Variants in STAM2 observed in about 807,000 individuals in gnomAD.
STAM2 encodes the protein signal transducing adapter molecule 2.
Under a neutral mutation model 65.6 loss-of-function variants are expected in STAM2, and 51 were observed. The ratio of observed to expected loss-of-function variants is 0.78; its 90% CI spans 0.62 to 0.98. The LOEUF is 0.98. Among genes scored for constraint, STAM2 ranks in the 50% least tolerant of loss-of-function variants. The probability of loss-of-function intolerance (pLI) is 0.00; values close to 1 mark genes in which losing one functional copy is unlikely to be tolerated. For missense variants in STAM2, 584 were observed against 617.8 expected (o/e 0.95, Z 0.58); for synonymous variants, 198 against 208.4 (o/e 0.95, Z 0.43).
At chr2:152,149,266 G>A (rs1472230777) in intron 2 of STAM2, among the ~76,000 whole-genome samples, 1 of 151,992 alleles carries the variant, frequency 6.6e-6, no homozygotes, top group African/African-American at 2.4e-5. Flanking sequence ...GTATCCTATT[G>A]TGTCAAGGCT....
chr2:152,118,513 A>G lies in STAM2; in HGVS notation c.*2061T>C, dbSNP rs893109045. 1 of 150,552 alleles carries G rather than the reference A, an allele frequency of 6.6e-6. No homozygotes were observed. Among genetic ancestry groups the G allele is most frequent in the Non-Finnish European group, 1.5e-5 (1 of 67,662 alleles). The allele number at this position is 150,552 out of a possible 1,614,324, so 9.3% of individuals were successfully genotyped here. A position where few individuals can be genotyped will look rare whatever the true frequency, so the allele number is the denominator to read the frequency against. ...ACATTATTTATAATGGCTGATCCCA[A>G]TTTAGTGGGTGTGCAGTAATTATAT... On this transcript the variant is annotated 3_prime_UTR_variant, in exon 14 of 14. Transcript: ENST00000263904.
rs1378945641 is a variant in STAM2 at position 152,120,331 on chromosome 2, A to G, written c.*243T>C. Reference sequence around the variant, plus strand: ...TGTAGAGAAATCTGAAAGTAAGACAAAACTAACTGAAAGCATCTTTAAGCT... The same window carrying G: ...TGTAGAGAAATCTGAAAGTAAGACAGAACTAACTGAAAGCATCTTTAAGCT... On this transcript the variant is annotated 3_prime_UTR_variant, in exon 14 of 14. Transcript: ENST00000263904. The G allele has an allele frequency of 4.0e-6, 2 of 499,806 alleles. No individual in the cohort carries two copies. Among genetic ancestry groups the G allele is most frequent in the African/African-American group, 3.8e-5 (2 of 52,082 alleles). 31.0% of individuals were successfully genotyped at this position (499,806 alleles called of 1,614,324 possible).
Position 152,126,273 on chromosome 2 carries a change from G to A in STAM2, c.1132C>T (p.His378Tyr), listed in dbSNP as rs769964544. Residue 378 changes from histidine to tyrosine, a missense_variant, in exon 12 of 14, where the codon CAC becomes TAC. Coordinates refer to ENST00000263904, the MANE Select transcript of STAM2 (RefSeq NM_005843.6). ...APVYSVYSKL[H>Y]PPAHYPPASS... The stretch of plus-strand genomic sequence containing the variant: ...GCAGGTGGGTAATGTGCTGGAGGGT[G>A]GAGCTTTGAATAGACTGAGTACACT... 1 of 1,611,132 alleles carries A rather than the reference G, an allele frequency of 6.2e-7. No homozygotes were observed. Among genetic ancestry groups the A allele is most frequent in the Non-Finnish European group, 8.5e-7 (1 of 1,178,502 alleles).
intron 13 of STAM2, among the ~76,000 whole-genome samples, chr2:152,123,403 A>G (rs1344252401): frequency 1.3e-5 from 2 of 152,110 alleles, no homozygotes; most frequent in African/African-American, 4.8e-5. Flanking sequence ...CTGAACTACA[A>G]ATTCCACAGT....
chr2:152,128,299 C>G (rs571873777), intron 11 of STAM2, among the ~76,000 whole-genome samples: 1 of 151,706 alleles, frequency 6.6e-6, no homozygotes, highest in African/African-American at 2.4e-5. Flanking sequence ...CCCAGCTACA[C>G]GGGAGGCTGA....
chr2:152,167,921 AAAAAT>A (rs970998673), intron 1 of STAM2, among the ~76,000 whole-genome samples: 6 of 152,004 alleles, frequency 3.9e-5, no homozygotes, highest in Admixed American at 1.3e-4. Context: ...AAAAAGAAGA[AAAAAT>A]AAAATAAAAT....
intron 1 of STAM2, among the ~76,000 whole-genome samples, chr2:152,166,104 G>T (rs1689779679): frequency 6.6e-6 from 1 of 152,176 alleles, no homozygotes. Flanking sequence ...AACCTGGGAG[G>T]TGGAGGGTGC....
chr2:152,139,191 T>G (rs938623573), intron 7 of STAM2, among the ~76,000 whole-genome samples: 3 of 152,180 alleles, frequency 2.0e-5, no homozygotes, highest in African/African-American at 7.2e-5. Context: ...AAAGAAAATT[T>G]TAATGTAGCA....
intron 1 of STAM2, among the ~76,000 whole-genome samples, chr2:152,169,550 C>T (rs1689861337): frequency 6.6e-6 from 1 of 152,138 alleles, no homozygotes; most frequent in South Asian, 2.1e-4. Flanking sequence ...GTGTGAGTCA[C>T]TGCACCCTGC....
chr2:152,148,026 T>G lies in STAM2; in HGVS notation c.298A>C (p.Lys100Gln). 6.3e-7 allele frequency: 1 copy of G among 1,598,558 alleles called. No homozygotes were observed. Among genetic ancestry groups the G allele is most frequent in the Non-Finnish European group, 8.5e-7 (1 of 1,173,292 alleles). The stretch of plus-strand genomic sequence containing the variant: ...GTTCTTCTGTTTTTAAAATTTACCT[T>G]ATTTTTAATCACAGCACGTACTTCT... ...ATEVRAVIKN[K>Q]AHPKVCEKLK... The change falls in exon 4 of 14, where the codon AAG becomes CAG. Residue 100 changes from lysine (K) to glutamine (Q), a missense_variant and splice_region_variant. Coordinates refer to ENST00000263904, the MANE Select transcript of STAM2 (RefSeq NM_005843.6).
chr2:152,173,482 C>T (rs990873337), intron 1 of STAM2, among the ~76,000 whole-genome samples: 2 of 151,264 alleles, frequency 1.3e-5, no homozygotes, highest in South Asian at 2.1e-4. Context: ...CTGCAACCTC[C>T]GCCTCCCGGG....
At chr2:152,120,971 T>TTTCTTC (rs375522184) in intron 13 of STAM2, among the ~76,000 whole-genome samples, 169 bp from the exon 14 acceptor site, 1 of 152,170 alleles carries the variant, frequency 6.6e-6, no homozygotes, top group African/African-American at 2.4e-5. Context: ...TTAATCAAAT[T>TTTCTTC]TTCTTCTTCT....
intron 1 of STAM2, among the ~76,000 whole-genome samples, chr2:152,158,960 G>A (rs1012366524): frequency 2.0e-5 from 3 of 151,114 alleles, no homozygotes; most frequent in East Asian, 1.9e-4. Context: ...AATTTTGGGG[G>A]ATACATTCTG....
intron 1 of STAM2, among the ~76,000 whole-genome samples, chr2:152,174,611 G>A (rs1689975538): frequency 6.6e-6 from 1 of 152,178 alleles, no homozygotes; most frequent in African/African-American, 2.4e-5. Context: ...CTGCTGAGAT[G>A]TGCAGTATTC....
chr2:152,145,128 T>C (rs565158381), intron 5 of STAM2, among the ~76,000 whole-genome samples, 171 bp from the exon 6 acceptor site: 74 of 152,330 alleles, frequency 4.9e-4, no homozygotes, highest in African/African-American at 1.7e-3. Flanking sequence ...TTGCAGTGCA[T>C]GGCACAGTCA....
At chr2:152,121,062 CAAGCAATCCTCCTGCCTT>C (rs2105525064) in intron 13 of STAM2, among the ~76,000 whole-genome samples, 2 of 152,202 alleles carry the variant, frequency 1.3e-5, no homozygotes, top group South Asian at 4.1e-4. Flanking sequence ...CTCCTGGGCT[CAAGCAATCCTCCTGCCTT>C]AAGCCTCCTG....
At chr2:152,122,086 G>A (rs1688866608) in intron 13 of STAM2, among the ~76,000 whole-genome samples, 1 of 149,636 alleles carries the variant, frequency 6.7e-6, no homozygotes, top group Non-Finnish European at 1.5e-5. Flanking sequence ...ATGTGTGTGT[G>A]TGTGTGTGTG....
At position 152,161,059 on chromosome 2, in the gene STAM2, G is replaced by C. The variant is rs535319686; in HGVS notation, c.41-10830C>G. 2.1e-3 allele frequency among the ~76,000 whole-genome samples: 321 copies of C among 152,362 alleles called. 1 individual carries two copies. Among genetic ancestry groups the C allele is most frequent in the African/African-American group, 6.9e-3 (287 of 41,578 alleles). On this transcript the variant is annotated intron_variant, in intron 1 of 13. Transcript: ENST00000263904. Reference sequence around the variant, plus strand: ...TGGCGGTTTTGTGGAATAGAAGGGGGGGAAAGGTGGGGAAAAGATTGAGAA... The same window carrying C: ...TGGCGGTTTTGTGGAATAGAAGGGGCGGAAAGGTGGGGAAAAGATTGAGAA...
At chr2:152,170,828 T>G (rs1278526964) in intron 1 of STAM2, among the ~76,000 whole-genome samples, 1 of 152,112 alleles carries the variant, frequency 6.6e-6, no homozygotes, top group Non-Finnish European at 1.5e-5. Context: ...AAATCCCATC[T>G]CTGCTAAAAA....
Sources: allele counts gnomAD v4.1 joint callset (sites outside exome capture counted in the v4.1 genomes callset), GRCh38; gene constraint gnomAD v4.1.1; transcripts MANE v1.5; gene names NCBI Gene and HGNC (gene_info 2026-07-23, HGNC 2026-07-21).